The following ZC3H3 variants were observed in gnomAD, a reference collection of about 807,000 sequenced individuals.
The protein encoded by ZC3H3 is zinc finger CCCH domain-containing protein 3.
Under a neutral mutation model 77.3 loss-of-function variants are expected in ZC3H3, and 36 were observed. That is an observed-to-expected ratio of 0.47 (90% CI 0.36 to 0.61). The LOEUF is 0.61. ZC3H3 is among the 20% of genes least tolerant of loss of function. ZC3H3 has a pLI of 0.00. For synonymous variants in ZC3H3, 626 were observed against 555.2 expected, an observed-to-expected ratio of 1.13 and a Z score of -1.79; for missense variants, 1,331 against 1,312.2, an observed-to-expected ratio of 1.01 and a Z score of -0.22.
intron 4 of ZC3H3, among the ~76,000 whole-genome samples, chr8:143,492,371 C>T (rs1390229060): frequency 2.0e-5 from 3 of 152,156 alleles, no homozygotes; most frequent in Admixed American, 2.0e-4. Context: ...CATCAGGCCA[C>T]TCCCAGGGCC....
chr8:143,494,964 T>C lies in ZC3H3; in HGVS notation c.1715+12782A>G, dbSNP rs1361193084. ...CAGTGAGAGGCCACACACGTGAGAA[T>C]GCAGATTAGAAAGGCGGTAACACCA... On this transcript the variant is annotated intron_variant, in intron 4 of 11. Transcript: ENST00000262577. The surrounding 1 kb of genome is among the most constrained non-coding windows in gnomAD (Gnocchi z 5.3). Among the ~76,000 whole-genome samples, 3 of 152,070 alleles carry C rather than the reference T, an allele frequency of 2.0e-5. No individual in the cohort carries two copies. Among genetic ancestry groups the C allele is most frequent in the Non-Finnish European group, 4.4e-5 (3 of 68,024 alleles).
chr8:143,524,519 C>T (rs544229042), intron 3 of ZC3H3, among the ~76,000 whole-genome samples: 16 of 152,368 alleles, frequency 1.1e-4, no homozygotes, highest in African/African-American at 2.9e-4. Flanking sequence ...GCCAAGAGGC[C>T]GCAGCCTCAG....
chr8:143,530,093 G>A lies in ZC3H3; in HGVS notation c.1561+6164C>T, dbSNP rs1822553578. 6.6e-6 allele frequency among the ~76,000 whole-genome samples: 1 copy of A among 152,184 alleles called. No homozygotes were observed. Among genetic ancestry groups the A allele is most frequent in the East Asian group, 1.9e-4 (1 of 5,186 alleles). On this transcript the variant is annotated intron_variant, in intron 3 of 11. Transcript: ENST00000262577. This position sits in a 1 kb window ranked among gnomAD's most constrained non-coding sequence, Gnocchi z 4.3. Reference sequence around the variant, plus strand: ...CCTCCGTGTGTACAGCAAGCTCTGGGCCAGAGGCAGATGCCCGGCCTGGCT... The same window carrying A: ...CCTCCGTGTGTACAGCAAGCTCTGGACCAGAGGCAGATGCCCGGCCTGGCT...
At chr8:143,506,361 G>C (rs376146930) in intron 4 of ZC3H3, among the ~76,000 whole-genome samples, 1 of 152,156 alleles carries the variant, frequency 6.6e-6, no homozygotes, top group Non-Finnish European at 1.5e-5. Context: ...CCGATGATCC[G>C]GGGCTCTTAT....
intron 3 of ZC3H3, among the ~76,000 whole-genome samples, chr8:143,509,590 C>G (rs907351841): frequency 2.0e-5 from 3 of 152,378 alleles, no homozygotes; most frequent in Admixed American, 2.0e-4. Context: ...TGGCTTCCCA[C>G]AAGCCTCCCA....
intron 9 of ZC3H3, among the ~76,000 whole-genome samples, chr8:143,464,945 G>A (rs1248344010): frequency 1.4e-5 from 2 of 148,074 alleles, no homozygotes; most frequent in South Asian, 2.1e-4. Flanking sequence ...GCTTGTACCC[G>A]GGACCAGGCC....
chr8:143,478,977 G>A (rs534603707), intron 4 of ZC3H3, among the ~76,000 whole-genome samples: 178 of 152,328 alleles, frequency 1.2e-3, no homozygotes, highest in Admixed American at 1.9e-3. Context: ...ATCTGCGCCC[G>A]CTCTTCATGC....
At chr8:143,518,094 C>A (rs1822119889) in intron 3 of ZC3H3, among the ~76,000 whole-genome samples, 2 of 152,216 alleles carry the variant, frequency 1.3e-5, no homozygotes, top group South Asian at 4.1e-4. Flanking sequence ...AGCGCCATGG[C>A]CCTGGTGCTG....
intron 8 of ZC3H3, 145 bp downstream of exon 8, chr8:143,468,064 G>T (rs930544402): frequency 3.0e-6 from 3 of 997,098 alleles, no homozygotes; most frequent in Non-Finnish European, 4.4e-6. Flanking sequence ...GGGTAGAGAC[G>T]GTACAGCAGA....
intron 8 of ZC3H3, 121 bp from the exon 9 acceptor site, chr8:143,465,969 C>T: frequency 7.3e-7 from 1 of 1,361,712 alleles, no homozygotes; most frequent in African/African-American, 1.4e-5. Context: ...CACCAGCAGG[C>T]AGGAAGGGCA....
rs562863478 is a variant in ZC3H3 at position 143,479,586 on chromosome 8, T to G, written c.1716-4001A>C. Among the ~76,000 whole-genome samples, 33 of 152,336 alleles carry G rather than the reference T, an allele frequency of 2.2e-4. 1 individual carries two copies. In the South Asian group the frequency reaches 6.8e-3, roughly 32 times the overall value. On this transcript the variant is annotated intron_variant, in intron 4 of 11. Transcript: ENST00000262577. ...GAAGGCCAGGGAGGGAACAGTGCCTTAAGATAGTCTTCTTTCTCGCCTTTG... is the reference window on the plus strand; with the variant it reads ...GAAGGCCAGGGAGGGAACAGTGCCTGAAGATAGTCTTCTTTCTCGCCTTTG...
chr8:143,509,032 G>A lies in ZC3H3; in HGVS notation c.1562-1133C>T, dbSNP rs898072116. On this transcript the variant is annotated intron_variant, in intron 3 of 11. Transcript: ENST00000262577. ...TCTCCACAGACTCGCTCACTCTCCT[G>A]CCCACACTGCCCTGTCCAGATGTCA... Among the ~76,000 whole-genome samples the A allele has an allele frequency of 1.6e-4, 24 of 152,212 alleles. 2 individuals are homozygous for A. Among genetic ancestry groups the A allele is most frequent in the African/African-American group, 5.5e-4 (23 of 41,516 alleles).
At chr8:143,440,501 G>T in intron 10 of ZC3H3, 138 bp from the exon 11 acceptor site, 2 of 1,406,174 alleles carry the variant, frequency 1.4e-6, no homozygotes, top group African/African-American at 2.9e-5. Context: ...CACAGGTCAG[G>T]CCTGGCCCTT....
intron 4 of ZC3H3, among the ~76,000 whole-genome samples, chr8:143,492,023 G>A (rs1404465459): frequency 6.6e-6 from 1 of 152,214 alleles, no homozygotes; most frequent in Non-Finnish European, 1.5e-5. Flanking sequence ...CTGGGGAGGA[G>A]GGCAGAGAAG....
chr8:143,441,209 G>T, intron 9 of ZC3H3, 89 bp from the exon 10 acceptor site: 1 of 1,308,554 alleles, frequency 7.6e-7, no homozygotes, highest in Non-Finnish European at 9.8e-7. Context: ...CAGGCCCCCC[G>T]AGTACCCACG....
chr8:143,528,055 G>A (rs1822475988), intron 3 of ZC3H3, among the ~76,000 whole-genome samples: 2 of 152,224 alleles, frequency 1.3e-5, no homozygotes, highest in Admixed American at 1.3e-4. Flanking sequence ...CATGGGACAG[G>A]GTGCCTGCTC....
At chr8:143,465,991 C>T (rs983528920) in intron 8 of ZC3H3, 143 bp from the exon 9 acceptor site, 19 of 1,228,600 alleles carry the variant, frequency 1.5e-5, no homozygotes, top group Middle Eastern at 2.8e-4. Flanking sequence ...CCACCACGAC[C>T]TGCGGGGCAG....
intron 9 of ZC3H3, among the ~76,000 whole-genome samples, chr8:143,453,770 A>G (rs1820045934): frequency 6.6e-6 from 1 of 152,234 alleles, no homozygotes. Flanking sequence ...AATAAAAATT[A>G]TAACTGTGTC....
At chr8:143,479,204 C>A (rs372814922) in intron 4 of ZC3H3, among the ~76,000 whole-genome samples, 3 of 152,178 alleles carry the variant, frequency 2.0e-5, no homozygotes, top group Non-Finnish European at 4.4e-5. Flanking sequence ...CCCCTGCCCT[C>A]GCCCTGGCTG....
Sources: gnomAD v4.1 joint callset for allele counts (sites outside exome capture counted in the v4.1 genomes callset) on GRCh38, gnomAD v4.1.1 for gene constraint, Gnocchi (gnomAD v3.1) non-coding constraint, MANE v1.5 for transcripts, NCBI Gene and HGNC (gene_info 2026-07-23, HGNC 2026-07-21) for gene names.